PDE1C: variants seen among roughly 807,000 people sequenced by gnomAD.
PDE1C encodes dual specificity calcium/calmodulin-dependent 3',5'-cyclic nucleotide phosphodiesterase 1C.
A neutral mutation model predicts 93.1 loss-of-function variants in PDE1C; 62 were observed. The observed-to-expected ratio is 0.67, with a 90% CI of 0.54 to 0.82. The LOEUF (loss-of-function observed/expected upper bound fraction) is 0.82, where lower values mean the gene tolerates loss of function less well. PDE1C is among the 40% of genes least tolerant of loss of function. The pLI, the probability that PDE1C is intolerant of heterozygous loss-of-function variation, is 0.00. For synonymous variants in PDE1C, 325 were observed against 310.1 expected (o/e 1.05, Z -0.50); for missense variants, 742 against 884.6 (o/e 0.84, Z 2.04).
At chr7:31,763,762 G>A (rs368890259) in intron 17 of PDE1C, among the ~76,000 whole-genome samples, 1 of 152,052 alleles carries the variant, frequency 6.6e-6, no homozygotes, top group African/African-American at 2.4e-5. Context: ...TTGCTGCCTC[G>A]TGATAGCGCC....
At chr7:31,635,187 G>A in the PDE1C span, among the ~76,000 whole-genome samples, 1 of 152,258 alleles carries the variant, frequency 6.6e-6, no homozygotes, top group African/African-American at 2.4e-5. Context: ...CTCATCCTTT[G>A]TCTCATTTAA....
intron 2 of PDE1C, among the ~76,000 whole-genome samples, chr7:32,041,390 A>G (rs188047028): frequency 6.6e-6 from 1 of 152,120 alleles, no homozygotes; most frequent in African/African-American, 2.4e-5. Flanking sequence ...TCATCTTGCC[A>G]TACTCCCTCC....
the PDE1C span, among the ~76,000 whole-genome samples, chr7:31,651,704 T>G: frequency 1.3e-5 from 2 of 152,116 alleles, no homozygotes; most frequent in Non-Finnish European, 2.9e-5. Flanking sequence ...TTTGGTAAAT[T>G]TATTAAAAAT....
At chr7:32,019,777 T>C (rs565172054) in intron 2 of PDE1C, among the ~76,000 whole-genome samples, 3 of 152,242 alleles carry the variant, frequency 2.0e-5, no homozygotes, top group East Asian at 3.9e-4. Flanking sequence ...ACTCCCGGGT[T>C]TGTGGCATTA....
chr7:32,055,422 A>T (rs567104802), intron 1 of PDE1C, among the ~76,000 whole-genome samples: 1 of 152,308 alleles, frequency 6.6e-6, no homozygotes, highest in Admixed American at 6.5e-5. Context: ...AGTCTCAGAG[A>T]GGTTAAGTAA....
chr7:32,236,932 C>T (rs1203200135), intron 1 of PDE1C, among the ~76,000 whole-genome samples: 1 of 151,854 alleles, frequency 6.6e-6, no homozygotes, highest in African/African-American at 2.4e-5. Context: ...TGTGGTACAC[C>T]CATACAGTGG....
intron 2 of PDE1C, among the ~76,000 whole-genome samples, chr7:32,041,224 G>C (rs547752613): frequency 6.6e-6 from 1 of 152,220 alleles, no homozygotes; most frequent in Non-Finnish European, 1.5e-5. Flanking sequence ...AGTAGGCAGG[G>C]GAAACCCACA....
At chr7:32,080,413 A>G (rs1010755728) in intron 3 of PDE1C, among the ~76,000 whole-genome samples, 9 of 152,214 alleles carry the variant, frequency 5.9e-5, no homozygotes, top group Admixed American at 3.9e-4. Context: ...TTCCTAGCAC[A>G]TACATTATAC....
At chr7:31,789,859 T>C (rs908360274) in intron 16 of PDE1C, 1 of 1,027,020 alleles carries the variant, frequency 9.7e-7, no homozygotes, top group African/African-American at 1.7e-5. Context: ...TGTGTGGCTT[T>C]TTTCAGGCCT....
chr7:31,982,549 CT>C (rs201433915), intron 2 of PDE1C, among the ~76,000 whole-genome samples: 316 of 150,742 alleles, frequency 2.1e-3, no homozygotes, highest in Non-Finnish European at 3.1e-3. Flanking sequence ...TTAATTTCCT[CT>C]TTTTTTTTAG....
chr7:32,347,813 CT>C (rs1317771534), intron 1 of PDE1C, among the ~76,000 whole-genome samples: 2 of 152,226 alleles, frequency 1.3e-5, no homozygotes, highest in Non-Finnish European at 2.9e-5. Flanking sequence ...GCAGATTCTT[CT>C]CCAGATAAGA....
intron 1 of PDE1C, among the ~76,000 whole-genome samples, chr7:32,362,193 A>T (rs565889146): frequency 1.3e-5 from 2 of 152,130 alleles, no homozygotes; most frequent in South Asian, 4.2e-4. Context: ...CAGAGGGAGG[A>T]TGTGTGTAAT....
At chr7:32,204,878 A>C (rs1183219611) in intron 2 of PDE1C, among the ~76,000 whole-genome samples, 1 of 152,200 alleles carries the variant, frequency 6.6e-6, no homozygotes, top group Admixed American at 6.5e-5. Context: ...GCTGTATTGT[A>C]GTAGTCACTT....
chr7:32,338,404 T>G (rs1221043227), intron 1 of PDE1C, among the ~76,000 whole-genome samples: 1 of 151,882 alleles, frequency 6.6e-6, no homozygotes, highest in Non-Finnish European at 1.5e-5. Flanking sequence ...AATATGCAAA[T>G]CAAAACCCCA....
intron 2 of PDE1C, chr7:32,170,046 G>C: frequency 2.6e-6 from 3 of 1,139,630 alleles, no homozygotes; most frequent in Non-Finnish European, 3.8e-6. Context: ...TTCCAAAGCA[G>C]AGCAGGGAAA....
chr7:31,702,776 G>A, the PDE1C span, among the ~76,000 whole-genome samples: 2 of 152,088 alleles, frequency 1.3e-5, no homozygotes, highest in Non-Finnish European at 2.9e-5. Context: ...TTTCTACATA[G>A]CAATACTCAC....
chr7:32,224,277 G>A (rs915566518), intron 1 of PDE1C, among the ~76,000 whole-genome samples: 2 of 152,174 alleles, frequency 1.3e-5, no homozygotes, highest in African/African-American at 4.8e-5. Context: ...GGAGGCTGAG[G>A]CAGGAGGATC....
the PDE1C span, among the ~76,000 whole-genome samples, chr7:31,672,550 T>A: frequency 6.6e-6 from 1 of 151,366 alleles, no homozygotes; most frequent in Non-Finnish European, 1.5e-5. Context: ...CCTTCTCTGA[T>A]TTCTTTTTTT....
intron 1 of PDE1C, among the ~76,000 whole-genome samples, chr7:32,055,600 T>C (rs1474125154): frequency 1.3e-5 from 2 of 152,130 alleles, no homozygotes; most frequent in Non-Finnish European, 2.9e-5. Flanking sequence ...TACTGCATTC[T>C]GTCCACCAAA....
Sources: allele counts gnomAD v4.1 joint callset (sites outside exome capture counted in the v4.1 genomes callset), GRCh38; gene constraint gnomAD v4.1.1; transcripts MANE v1.5; gene names NCBI Gene and HGNC (gene_info 2026-07-23, HGNC 2026-07-21).